FARSB: variants seen among roughly 807,000 people sequenced by gnomAD.
FARSB encodes phenylalanine--tRNA ligase beta subunit.
A neutral mutation model predicts 69.6 loss-of-function variants in FARSB; 40 were observed. The observed-to-expected ratio is 0.57, with a 90% confidence interval of 0.45 to 0.75. The LOEUF is 0.75. Ranked by LOEUF, FARSB falls within the 30% of genes least tolerant of loss-of-function variation. The pLI, the probability that FARSB is intolerant of heterozygous loss-of-function variation, is 0.00. For missense variants in FARSB, 632 were observed against 722.9 expected (o/e 0.87, Z 1.44); for synonymous variants, 235 against 247.2 (o/e 0.95, Z 0.46).
Position 222,630,143 on chromosome 2 carries a change from A to G in FARSB, c.818T>C (p.Met273Thr), listed in dbSNP as rs1231540503. The change falls in exon 9 of 17, where the codon ATG (methionine) becomes ACG (threonine). Residue 273 changes from methionine to threonine, a missense_variant. Physicochemically the swap from Met to Thr is moderately conservative, Grantham distance 81. Coordinates refer to ENST00000281828, the MANE Select transcript of FARSB (RefSeq NM_005687.5). The part of the protein sequence containing the change: ...AKIVLDIIVT[M>T]FSEYCENQFT... ...TTGATTCTCACAATATTCACTGAAC[A>G]TGGTGACAATAATATCAAGAACTAT... 1.3e-6 allele frequency: 2 copies of G among 1,560,164 alleles called. No homozygotes were observed. Among genetic ancestry groups the G allele is most frequent in the Non-Finnish European group, 1.7e-6 (2 of 1,154,574 alleles).
chr2:222,590,688 A>T (rs1423546455), intron 16 of FARSB, among the ~76,000 whole-genome samples: 1 of 152,124 alleles, frequency 6.6e-6, no homozygotes, highest in Non-Finnish European at 1.5e-5. Context: ...CCTGTATTGT[A>T]GAGATGCATC....
chr2:222,588,615 C>A (rs1333847840), intron 16 of FARSB, among the ~76,000 whole-genome samples: 8 of 152,158 alleles, frequency 5.3e-5, no homozygotes, highest in Non-Finnish European at 1.0e-4. Context: ...AAAACCCCAT[C>A]GTCTCAGCCC....
chr2:222,582,005 G>T (rs968586996), intron 16 of FARSB, among the ~76,000 whole-genome samples: 1 of 152,094 alleles, frequency 6.6e-6, no homozygotes, highest in Admixed American at 6.5e-5. Context: ...CCTATGGAGG[G>T]GTGTTTGGCA....
intron 15 of FARSB, among the ~76,000 whole-genome samples, chr2:222,608,876 C>G (rs1178536004): frequency 6.6e-6 from 1 of 152,146 alleles, no homozygotes; most frequent in African/African-American, 2.4e-5. Flanking sequence ...AGGCTTTAAC[C>G]TATCCTATTC....
chr2:222,631,806 G>C, intron 7 of FARSB, 132 bp from the exon 8 acceptor site: 1 of 637,348 alleles, frequency 1.6e-6, no homozygotes, highest in Non-Finnish European at 2.8e-6. Context: ...GGCCAGGGAT[G>C]GTGGCTCACA....
chr2:222,615,276 T>A lies in FARSB; in HGVS notation c.1345-1348A>T, dbSNP rs141733273. Among the ~76,000 whole-genome samples the A allele has an allele frequency of 3.1e-3, 469 of 152,348 alleles. 3 individuals carry two copies. Among genetic ancestry groups the A allele is most frequent in the African/African-American group, 0.011 (444 of 41,576 alleles). ...AAGCACTATTATCTTTTCCCCAGAC[T>A]ACTGCATAACATTCTTAAGCTGGCT... On this transcript the variant is annotated intron_variant, in intron 14 of 16. Coordinates refer to ENST00000281828, the MANE Select transcript of FARSB (RefSeq NM_005687.5).
At chr2:222,611,489 C>T (rs1295457816) in intron 15 of FARSB, among the ~76,000 whole-genome samples, 1 of 151,896 alleles carries the variant, frequency 6.6e-6, no homozygotes, top group Admixed American at 6.6e-5. Flanking sequence ...CTCTGTTGCC[C>T]AGGCTGGAGT....
intron 14 of FARSB, among the ~76,000 whole-genome samples, chr2:222,618,319 GAACT>G (rs1363894945): frequency 3.0e-4 from 46 of 151,958 alleles, no homozygotes; most frequent in African/African-American, 1.0e-3. Flanking sequence ...ATTCTTTTTA[GAACT>G]AACCCAGTCC....
chr2:222,650,193 A>G (rs1369975599), intron 1 of FARSB, among the ~76,000 whole-genome samples: 7 of 152,242 alleles, frequency 4.6e-5, no homozygotes, highest in African/African-American at 1.4e-4. Flanking sequence ...ACTCTTAAGT[A>G]GTTCAACATG....
intron 5 of FARSB, among the ~76,000 whole-genome samples, chr2:222,635,563 T>C (rs1478932239): frequency 6.6e-6 from 1 of 152,180 alleles, no homozygotes; most frequent in African/African-American, 2.4e-5. Context: ...TAAATGCAGG[T>C]AAATTAATAA....
At chr2:222,626,124 C>A (rs1691263683) in intron 10 of FARSB, among the ~76,000 whole-genome samples, 1 of 151,494 alleles carries the variant, frequency 6.6e-6, no homozygotes, top group Non-Finnish European at 1.5e-5. Flanking sequence ...TGGCACAAGC[C>A]TGTAATCCCA....
chr2:222,586,857 C>G (rs1455141263), intron 16 of FARSB, among the ~76,000 whole-genome samples: 1 of 152,124 alleles, frequency 6.6e-6, no homozygotes, highest in Non-Finnish European at 1.5e-5. Context: ...ATTCATAAAG[C>G]AAGTCCTTAG....
chr2:222,586,479 C>T (rs925958564), intron 16 of FARSB, among the ~76,000 whole-genome samples: 3 of 152,174 alleles, frequency 2.0e-5, no homozygotes, highest in African/African-American at 7.2e-5. Context: ...CAGCTGACAT[C>T]ATAATGACAG....
At chr2:222,581,639 C>T (rs528114290) in intron 16 of FARSB, among the ~76,000 whole-genome samples, 9 of 152,152 alleles carry the variant, frequency 5.9e-5, no homozygotes, top group Non-Finnish European at 1.2e-4. Flanking sequence ...ATGCTATTAG[C>T]TTCTGAGCAG....
chr2:222,654,138 C>A (rs1692111171), intron 1 of FARSB, among the ~76,000 whole-genome samples: 1 of 152,058 alleles, frequency 6.6e-6, no homozygotes, highest in African/African-American at 2.4e-5. Context: ...ATGTTTTGAA[C>A]AAATATTTGC....
chr2:222,598,391 T>A (rs144554193), intron 16 of FARSB, among the ~76,000 whole-genome samples: 2 of 152,300 alleles, frequency 1.3e-5, no homozygotes, highest in Non-Finnish European at 2.9e-5. Context: ...AGAAATATTA[T>A]CCATCTAAAG....
chr2:222,647,256 T>C (rs1245468633), intron 2 of FARSB, among the ~76,000 whole-genome samples: 1 of 152,158 alleles, frequency 6.6e-6, no homozygotes, highest in Non-Finnish European at 1.5e-5. Context: ...GTCTTTCAAG[T>C]AGTCCAGACA....
intron 16 of FARSB, among the ~76,000 whole-genome samples, chr2:222,596,910 T>C (rs996548515): frequency 5.9e-5 from 9 of 152,226 alleles, no homozygotes; most frequent in Admixed American, 4.6e-4. Context: ...TTATACATTG[T>C]TTTCTTCAAC....
In FARSB at chr2:222,571,979, C is replaced by A. The variant is rs1417430342; in HGVS notation, c.1662G>T (p.Arg554Ser). Residue 554 changes from arginine (R) to serine (S), a missense_variant, in exon 17 of 17, where the codon AGG (arginine) becomes AGT (serine). Arg to Ser is a moderately radical substitution (Grantham distance 110). Coordinates refer to ENST00000281828, the MANE Select transcript of FARSB (RefSeq NM_005687.5). ...CCCCAAGCTTCCCGACGCTTTGACC[C>A]CTGGCAAAGATCTCTGCACATCGCC... Reference protein sequence around the residue: ...FPGRCAEIFARGQSVGKLGVL... With the variant: ...FPGRCAEIFASGQSVGKLGVL... 3.1e-6 allele frequency: 5 copies of A among 1,613,752 alleles called. No individual in the cohort carries two copies. The highest frequency in any genetic ancestry group is 4.2e-6 in the Non-Finnish European group (5 of 1,179,926).
Sources: gnomAD v4.1 joint callset for allele counts (sites outside exome capture counted in the v4.1 genomes callset) on GRCh38, gnomAD v4.1.1 for gene constraint, MANE v1.5 for transcripts, NCBI Gene and HGNC (gene_info 2026-07-23, HGNC 2026-07-21) for gene names.